The following SLC35E3 variants were observed in gnomAD, a reference collection of about 807,000 sequenced individuals.
SLC35E3 encodes the protein solute carrier family 35 member E3, also known as bladder cancer-overexpressed gene 1 protein.
In SLC35E3, 28 loss-of-function variants were observed where a neutral mutation model predicts 30.8. The observed-to-expected ratio is 0.91, with a 90% CI of 0.67 to 1.25. The LOEUF is 1.25. Ranked by LOEUF, SLC35E3 falls within the 50% of genes most tolerant of loss-of-function variation. The pLI, the probability that SLC35E3 is intolerant of heterozygous loss-of-function variation, is 0.00. For missense variants in SLC35E3, 365 were observed against 375.4 expected (o/e 0.97, Z 0.23); for synonymous variants, 146 against 149.2 (o/e 0.98, Z 0.16).
At position 68,750,658 on chromosome 12, in the gene SLC35E3, C is replaced by T. The variant is rs138595667; in HGVS notation, c.514-1374C>T. On this transcript the variant is annotated intron_variant, in intron 2 of 4. Transcript: ENST00000398004. ...TCCAGGCAGTCCTGTGGCGAAGACA[C>T]GCGGCTGCCTGAAGAGGCTGCAAAA... Among the ~76,000 whole-genome samples the T allele has an allele frequency of 2.8e-4, 42 of 152,308 alleles. No individual in the cohort carries two copies. The East Asian group carries it at 5.2e-3, about 19-fold the overall frequency.
rs976518676 is a variant in SLC35E3, at chr12:68,770,068, T to C, written c.*5178T>C. The stretch of plus-strand genomic sequence containing the variant: ...TCCATGAGGAAAGTTTGAGCTGCAG[T>C]CATAGATACATAGAAGTTAGCTAGC... On this transcript the variant is annotated 3_prime_UTR_variant, in exon 5 of 5. Coordinates refer to ENST00000398004, the MANE Select transcript of SLC35E3 (RefSeq NM_018656.5). The C allele has an allele frequency of 6.6e-6, 1 of 152,246 alleles. No individual in the cohort carries two copies. The highest frequency in any genetic ancestry group is 2.4e-5 in the African/African-American group (1 of 41,452). 9.4% of individuals were successfully genotyped at this position (152,246 alleles called of 1,614,324 possible).
At chr12:68,756,273 A>G (rs1380384624) in intron 3 of SLC35E3, among the ~76,000 whole-genome samples, 1 of 149,492 alleles carries the variant, frequency 6.7e-6, no homozygotes, top group African/African-American at 2.5e-5. Flanking sequence ...AACAGGTTTT[A>G]AAATGAGGAC....
intron 2 of SLC35E3, among the ~76,000 whole-genome samples, chr12:68,751,157 G>T (rs1034718503): frequency 3.9e-5 from 6 of 152,128 alleles, no homozygotes; most frequent in African/African-American, 1.4e-4. Context: ...GTCATCCAGA[G>T]AGAGGAAAAT....
At chr12:68,757,732 G>T (rs185915441) in intron 3 of SLC35E3, among the ~76,000 whole-genome samples, 1 of 152,178 alleles carries the variant, frequency 6.6e-6, no homozygotes, top group South Asian at 2.1e-4. Flanking sequence ...TACATACTGC[G>T]TTCCTCAGAA....
intron 4 of SLC35E3, among the ~76,000 whole-genome samples, chr12:68,759,816 CAG>C (rs1160376869): frequency 6.6e-6 from 1 of 152,026 alleles, no homozygotes; most frequent in African/African-American, 2.4e-5. Flanking sequence ...AAAATTAACT[CAG>C]AGTACCATTT....
chr12:68,780,141 TAAC>T lies in SLC35E3; in HGVS notation c.*15254_*15256del, dbSNP rs763262269. The T allele has an allele frequency of 6.6e-6, 1 of 152,156 alleles. No individual in the cohort carries two copies. The highest frequency in any genetic ancestry group is 1.5e-5 in the Non-Finnish European group (1 of 68,034). 9.4% of individuals were successfully genotyped at this position (152,156 alleles called of 1,614,324 possible). Reference sequence around the variant, plus strand: ...GCTCAAAATTTTTATTTTTAAATCTTAACAATTTCTAAAATCACACTTTTTAAT... The same window carrying T: ...GCTCAAAATTTTTATTTTTAAATCTTAATTTCTAAAATCACACTTTTTAAT... On this transcript the variant is annotated 3_prime_UTR_variant, in exon 5 of 5. Transcript: ENST00000398004.
At position 68,772,231 on chromosome 12, in the gene SLC35E3, T is replaced by G. The variant is rs2136085246; in HGVS notation, c.*7341T>G. 6.6e-6 allele frequency: 1 copy of G among 152,056 alleles called. No homozygotes were observed. The highest frequency in any genetic ancestry group is 2.1e-4 in the South Asian group (1 of 4,820). 9.4% of individuals were successfully genotyped at this position (152,056 alleles called of 1,614,324 possible). ...TTTTTGTATTTTTGTAGAGACAGGG[T>G]ATCACCATGTTGGCCAGGCTGGTCT... On this transcript the variant is annotated 3_prime_UTR_variant, in exon 5 of 5. Transcript: ENST00000398004.
chr12:68,752,241 C>T, intron 3 of SLC35E3, 51 bp downstream of exon 3: 1 of 1,458,742 alleles, frequency 6.9e-7, no homozygotes. Flanking sequence ...AATAACTCCT[C>T]CATTATTAAT....
At chr12:68,756,205 C>T (rs1004246103) in intron 3 of SLC35E3, among the ~76,000 whole-genome samples, 1 of 151,200 alleles carries the variant, frequency 6.6e-6, no homozygotes, top group Non-Finnish European at 1.5e-5. Flanking sequence ...TGGTTTCAAA[C>T]CATTGCAGCC....
At chr12:68,751,879 T>C (rs1209812307) in intron 2 of SLC35E3, among the ~76,000 whole-genome samples, 153 bp from the exon 3 acceptor site, 1 of 152,240 alleles carries the variant, frequency 6.6e-6, no homozygotes, top group Non-Finnish European at 1.5e-5. Flanking sequence ...TCATATAGCT[T>C]ACTGGTCTTT....
In SLC35E3 at chr12:68,746,243, T is replaced by G; in HGVS notation, c.-135T>G. The G allele has an allele frequency of 1.3e-6, 1 of 790,522 alleles. No individual in the cohort carries two copies. The highest frequency in any genetic ancestry group is 1.8e-5 in the South Asian group (1 of 54,250). The allele number at this position is 790,522 out of a possible 1,614,324, so 49.0% of individuals were successfully genotyped here. A position where few individuals can be genotyped will look rare whatever the true frequency, so the allele number is the denominator to read the frequency against. ...TGTTAAGAGTGCTACTCGCCCGGGGTTGATCTGTGCATGCCACTCCTGGGT... is the reference window on the plus strand; with the variant it reads ...TGTTAAGAGTGCTACTCGCCCGGGGGTGATCTGTGCATGCCACTCCTGGGT... On this transcript the variant is annotated 5_prime_UTR_variant, in exon 1 of 5. Coordinates refer to ENST00000398004, the MANE Select transcript of SLC35E3 (RefSeq NM_018656.5).
chr12:68,746,984 A>G (rs990563662), intron 1 of SLC35E3, among the ~76,000 whole-genome samples: 1 of 152,260 alleles, frequency 6.6e-6, no homozygotes, highest in Non-Finnish European at 1.5e-5. Context: ...TGTGAATTTT[A>G]GTAGCTGCCA....
intron 3 of SLC35E3, among the ~76,000 whole-genome samples, chr12:68,753,770 C>G (rs1878895316): frequency 6.6e-6 from 1 of 150,892 alleles, no homozygotes; most frequent in South Asian, 2.1e-4. Flanking sequence ...TTTCTAAGTG[C>G]TTGTTCTTCC....
At chr12:68,762,404 A>C (rs1879257994) in intron 4 of SLC35E3, among the ~76,000 whole-genome samples, 3 of 152,194 alleles carry the variant, frequency 2.0e-5, no homozygotes, top group Admixed American at 1.3e-4. Flanking sequence ...AAGGAGGAGG[A>C]GGCGGGGTCG....
At chr12:68,764,457 T>A (rs998065263) in intron 4 of SLC35E3, among the ~76,000 whole-genome samples, 3 of 152,078 alleles carry the variant, frequency 2.0e-5, no homozygotes, top group African/African-American at 7.2e-5. Context: ...CCCAGCTAAT[T>A]TTTGTATTTT....
At chr12:68,760,033 T>C (rs1879186367) in intron 4 of SLC35E3, 1 of 152,216 alleles carries the variant, frequency 6.6e-6, no homozygotes, top group Non-Finnish European at 1.5e-5. Context: ...CTCAATATTA[T>C]TTCAAGTCAA....
In SLC35E3 at chr12:68,769,281, A is replaced by C. The variant is rs1410173434; in HGVS notation, c.*4391A>C. ...TAATAACAAAGCAGCAACATTAATC[A>C]AGCACTCTGTATTCACTCCGTCAGT... On this transcript the variant is annotated 3_prime_UTR_variant, in exon 5 of 5. Transcript: ENST00000398004. The C allele has an allele frequency of 1.3e-5, 2 of 151,854 alleles. No individual in the cohort carries two copies. Among genetic ancestry groups the C allele is most frequent in the Non-Finnish European group, 1.5e-5 (1 of 68,010 alleles). The allele number at this position is 151,854 out of a possible 1,614,324, so 9.4% of individuals were successfully genotyped here. A position where few individuals can be genotyped will look rare whatever the true frequency, so the allele number is the denominator to read the frequency against.
rs1036974930 is a variant in SLC35E3 at position 68,781,063 on chromosome 12, G to A, written c.*16173G>A. 1.3e-5 allele frequency: 2 copies of A among 151,654 alleles called. No homozygotes were observed. Among genetic ancestry groups the A allele is most frequent in the African/African-American group, 4.9e-5 (2 of 40,938 alleles). The allele number at this position is 151,654 out of a possible 1,614,324, so 9.4% of individuals were successfully genotyped here. A position where few individuals can be genotyped will look rare whatever the true frequency, so the allele number is the denominator to read the frequency against. On this transcript the variant is annotated 3_prime_UTR_variant, in exon 5 of 5. Transcript: ENST00000398004. ...GTGGGAAAGTCTTGTTTATGCTGTG[G>A]CTGATGTGGATGTCTTTGGGGAAGA... is the stretch of plus-strand genomic sequence containing the variant.
At chr12:68,757,966 C>T (rs1432004283) in intron 3 of SLC35E3, among the ~76,000 whole-genome samples, 1 of 151,518 alleles carries the variant, frequency 6.6e-6, no homozygotes, top group Non-Finnish European at 1.5e-5. Context: ...GTGGCATGGG[C>T]CTGTAATCCC....
Sources: gnomAD v4.1 joint callset for allele counts (sites outside exome capture counted in the v4.1 genomes callset) on GRCh38, gnomAD v4.1.1 for gene constraint, MANE v1.5 for transcripts, NCBI Gene and HGNC (gene_info 2026-07-23, HGNC 2026-07-21) for gene names.